Variants in TEKT5 observed in about 807,000 individuals in gnomAD.
TEKT5 encodes the protein tektin-5.
Under a neutral mutation model 48.7 loss-of-function variants are expected in TEKT5, and 52 were observed. The ratio of observed to expected loss-of-function variants is 1.07; its 90% CI spans 0.86 to 1.35. The LOEUF is 1.35. TEKT5 is among the 40% of genes most tolerant of loss of function. The probability of loss-of-function intolerance (pLI) is 0.00; values close to 1 mark genes in which losing one functional copy is unlikely to be tolerated. For missense variants in TEKT5, 831 were observed against 641.6 expected (o/e 1.30, Z -3.19); for synonymous variants, 318 against 267.6 (o/e 1.19, Z -1.84).
chr16:10,651,597 A>G (rs1254319663), intron 5 of TEKT5, among the ~76,000 whole-genome samples: 1 of 152,190 alleles, frequency 6.6e-6, no homozygotes, highest in Non-Finnish European at 1.5e-5. Flanking sequence ...ATATTAGTCA[A>G]TTAGTGGGTG....
chr16:10,681,899 G>T (rs995777476), intron 4 of TEKT5, 94 bp downstream of exon 4: 6 of 1,497,086 alleles, frequency 4.0e-6, no homozygotes, highest in Non-Finnish European at 5.5e-6. Context: ...CACTTAACTG[G>T]TGCACGATGC....
At chr16:10,688,668 C>T (rs1898909345) in intron 3 of TEKT5, among the ~76,000 whole-genome samples, 1 of 152,212 alleles carries the variant, frequency 6.6e-6, no homozygotes, top group South Asian at 2.1e-4. Flanking sequence ...ACTATGGGCC[C>T]CAAGCCCCGT....
At position 10,664,802 on chromosome 16, in the gene TEKT5, G is replaced by A. The variant is rs530782484; in HGVS notation, c.1086+11157C>T. Among the ~76,000 whole-genome samples the A allele has an allele frequency of 5.9e-5, 9 of 152,306 alleles. No individual in the cohort carries two copies. The South Asian group carries it at 1.0e-3, about 18-fold the overall frequency. On this transcript the variant is annotated intron_variant, in intron 5 of 6. Transcript: ENST00000283025. The stretch of plus-strand genomic sequence containing the variant: ...TCAAACCAGGTGCCAGGTTCTTTCC[G>A]TTACTTTGTCATCCCTCCCACATCA...
chr16:10,641,109 T>G (rs1897988250), intron 5 of TEKT5, among the ~76,000 whole-genome samples: 1 of 151,674 alleles, frequency 6.6e-6, no homozygotes, highest in Non-Finnish European at 1.5e-5. Flanking sequence ...CGACTGCCAG[T>G]TGCTCCCCAC....
chr16:10,670,598 C>T (rs1449911124), intron 5 of TEKT5, among the ~76,000 whole-genome samples: 2 of 152,182 alleles, frequency 1.3e-5, no homozygotes, highest in East Asian at 3.8e-4. Context: ...CATTTATCTT[C>T]ATTGCATCAA....
In TEKT5 at chr16:10,638,760, T is replaced by C. The variant is rs78781753; in HGVS notation, c.1087-2842A>G. Among the ~76,000 whole-genome samples the C allele has an allele frequency of 6.9e-3, 1,056 of 152,324 alleles. 13 individuals carry two copies. Among genetic ancestry groups the C allele is most frequent in the African/African-American group, 0.025 (1,021 of 41,576 alleles). The stretch of plus-strand genomic sequence containing the variant: ...TCAACATCTTTGACCATTTCTACCC[T>C]GTTCACCATAATTAATGAAGAGGAT... On this transcript the variant is annotated intron_variant, in intron 5 of 6. Coordinates refer to ENST00000283025, the MANE Select transcript of TEKT5 (RefSeq NM_144674.2).
rs538868306 is a variant in TEKT5, at chr16:10,627,741, G to A, written c.1300C>T (p.Arg434Trp). ...DTLQTLKLRL[R>W]ETQDTLQLLV... Reference sequence around the variant, plus strand: ...AGCTGCAGCGTGTCCTGTGTCTCCCGCAGCCGCAGCTTGAGGGTCTGCAGG... The same window carrying A: ...AGCTGCAGCGTGTCCTGTGTCTCCCACAGCCGCAGCTTGAGGGTCTGCAGG... The change falls in exon 7 of 7, where the codon CGG becomes TGG. Residue 434 changes from arginine to tryptophan, a missense_variant. Coordinates refer to ENST00000283025, the MANE Select transcript of TEKT5 (RefSeq NM_144674.2). 28 of 1,614,200 alleles carry A rather than the reference G, an allele frequency of 1.7e-5. No homozygotes were observed. Among genetic ancestry groups the A allele is most frequent in the South Asian group, 9.9e-5 (9 of 91,072 alleles).
At chr16:10,686,123 C>G (rs1273085233) in intron 3 of TEKT5, among the ~76,000 whole-genome samples, 1 of 152,146 alleles carries the variant, frequency 6.6e-6, no homozygotes, top group Non-Finnish European at 1.5e-5. Context: ...GAATAGAGAG[C>G]CCAGAAATAA....
intron 1 of TEKT5, among the ~76,000 whole-genome samples, chr16:10,691,102 G>A (rs901994321): frequency 1.3e-5 from 2 of 152,190 alleles, no homozygotes; most frequent in African/African-American, 4.8e-5. Context: ...TCAACACTTT[G>A]GGAAGCCAAG....
chr16:10,637,243 C>T (rs1195828781), intron 5 of TEKT5, among the ~76,000 whole-genome samples: 2 of 151,534 alleles, frequency 1.3e-5, no homozygotes, highest in East Asian at 3.9e-4. Flanking sequence ...GCCATGTTGG[C>T]CAGGCTTGTC....
At chr16:10,639,403 G>C (rs929759593) in intron 5 of TEKT5, among the ~76,000 whole-genome samples, 1 of 152,162 alleles carries the variant, frequency 6.6e-6, no homozygotes, top group Non-Finnish European at 1.5e-5. Flanking sequence ...GGGAATAATA[G>C]GAGTGCTGAA....
intron 5 of TEKT5, among the ~76,000 whole-genome samples, chr16:10,660,609 C>T (rs1302365607): frequency 6.6e-6 from 1 of 151,878 alleles, no homozygotes; most frequent in African/African-American, 2.4e-5. Flanking sequence ...TGCCCAGAGC[C>T]GCCACTTCCT....
Position 10,635,913 on chromosome 16 carries a change from C to T in TEKT5, c.1092G>A (p.Leu364=), listed in dbSNP as rs750851940. 268 of 1,613,664 alleles carry T rather than the reference C, an allele frequency of 1.7e-4. No homozygotes were observed. Among genetic ancestry groups the T allele is most frequent in the Non-Finnish European group, 2.2e-4 (260 of 1,180,010 alleles). Residue 364 remains leucine (L), a synonymous_variant, in exon 6 of 7, where the codon CTG becomes CTA. Coordinates refer to ENST00000283025, the MANE Select transcript of TEKT5 (RefSeq NM_144674.2). Reference sequence around the variant, plus strand: ...TGTTCTCGGCCTGGAAGATCTCCTGCAGCGTCTGCGAGGGAACACACAGGT... The same window carrying T: ...TGTTCTCGGCCTGGAAGATCTCCTGTAGCGTCTGCGAGGGAACACACAGGT... The part of the protein sequence containing the change: ...NKLQTQLAKT[L]QEIFQAENTI...
At chr16:10,631,353 G>GGGGGT (rs1897838373) in intron 6 of TEKT5, among the ~76,000 whole-genome samples, 1 of 147,812 alleles carries the variant, frequency 6.8e-6, no homozygotes, top group African/African-American at 2.6e-5. Context: ...GCCATGGGGT[G>GGGGGT]GGGGCGGGGG....
At position 10,638,097 on chromosome 16, in the gene TEKT5, C is replaced by T. The variant is rs114576832; in HGVS notation, c.1087-2179G>A. Reference sequence around the variant, plus strand: ...AAAGTGCTGGGATTACAGGTGTGACCCACAGCACCTGGTGGGAGTCTTTTA... The same window carrying T: ...AAAGTGCTGGGATTACAGGTGTGACTCACAGCACCTGGTGGGAGTCTTTTA... On this transcript the variant is annotated intron_variant, in intron 5 of 6. Coordinates refer to ENST00000283025, the MANE Select transcript of TEKT5 (RefSeq NM_144674.2). 7.8e-3 allele frequency among the ~76,000 whole-genome samples: 1,192 copies of T among 152,304 alleles called. 17 individuals carry two copies. The highest frequency in any genetic ancestry group is 0.027 in the African/African-American group (1,140 of 41,560).
chr16:10,629,612 G>C (rs1897807620), intron 6 of TEKT5, among the ~76,000 whole-genome samples: 1 of 152,192 alleles, frequency 6.6e-6, no homozygotes, highest in Admixed American at 6.5e-5. Context: ...GCCTCACTCA[G>C]GTCTTCCTTA....
intron 5 of TEKT5, among the ~76,000 whole-genome samples, chr16:10,671,156 G>A (rs1229594185): frequency 6.6e-6 from 1 of 152,112 alleles, no homozygotes; most frequent in Non-Finnish European, 1.5e-5. Flanking sequence ...ACTGTTTTAA[G>A]AGCTCCAGAG....
intron 5 of TEKT5, chr16:10,671,750 G>A (rs1171364590): frequency 6.6e-6 from 1 of 152,220 alleles, no homozygotes; most frequent in African/African-American, 2.4e-5. Context: ...CATGGTGGAA[G>A]GCAGAGGAGG....
At chr16:10,674,856 G>A (rs572665067) in intron 5 of TEKT5, among the ~76,000 whole-genome samples, 86 of 149,814 alleles carry the variant, frequency 5.7e-4, no homozygotes, top group Non-Finnish European at 9.9e-4. Flanking sequence ...ACGGGGTCTC[G>A]CTGTCACCCA....
Sources: gnomAD v4.1 joint callset for allele counts (sites outside exome capture counted in the v4.1 genomes callset) on GRCh38, gnomAD v4.1.1 for gene constraint, MANE v1.5 for transcripts, NCBI Gene and HGNC (gene_info 2026-07-23, HGNC 2026-07-21) for gene names.